NPL: variants seen among roughly 807,000 people sequenced by gnomAD.
NPL encodes the protein N-acetylneuraminate lyase.
A neutral mutation model predicts 41.1 loss-of-function variants in NPL; 32 were observed. The observed-to-expected ratio is 0.78, with a 90% CI of 0.59 to 1.05. NPL has a LOEUF of 1.05. Ranked by LOEUF, NPL falls within the 50% of genes least tolerant of loss-of-function variation. The pLI, the probability that NPL is intolerant of heterozygous loss-of-function variation, is 0.00. For missense variants in NPL, 321 were observed against 378.4 expected (o/e 0.85, Z 1.26); for synonymous variants, 128 against 134.9 (o/e 0.95, Z 0.35).
intron 1 of NPL, among the ~76,000 whole-genome samples, chr1:182,791,714 C>T (rs1248032473): frequency 6.6e-6 from 1 of 152,154 alleles, no homozygotes; most frequent in Non-Finnish European, 1.5e-5. Context: ...CTAAGAACAT[C>T]AGTGTTACCG....
chr1:182,828,929 G>A lies in NPL; in HGVS notation c.*21G>A, dbSNP rs779955836. The stretch of plus-strand genomic sequence containing the variant: ...GCTAGTGCCTCTCTATCAAATCAGG[G>A]TTTGCACCTTGAGACATAATCTACC... On this transcript the variant is annotated 3_prime_UTR_variant, in exon 13 of 13. Transcript: ENST00000367553. This position sits in a 1 kb window ranked among gnomAD's most constrained non-coding sequence, Gnocchi z 4.0. 1.6e-5 allele frequency: 26 copies of A among 1,613,930 alleles called. No homozygotes were observed. The highest frequency in any genetic ancestry group is 1.9e-5 in the Non-Finnish European group (23 of 1,180,010).
intron 3 of NPL, 124 bp from the exon 4 acceptor site, chr1:182,803,574 A>G (rs1666916625): frequency 1.4e-6 from 1 of 727,944 alleles, no homozygotes; most frequent in Non-Finnish European, 2.5e-6. Flanking sequence ...CAGGCTAAGA[A>G]TTTCACAAAT....
chr1:182,826,937 T>A (rs934699500), intron 12 of NPL: 1 of 152,194 alleles, frequency 6.6e-6, no homozygotes, highest in Non-Finnish European at 1.5e-5. Context: ...ATTTATAAAT[T>A]AGGCATAGTA....
chr1:182,829,070 T>C lies in NPL; in HGVS notation c.*162T>C, dbSNP rs1667703897. The C allele has an allele frequency of 2.1e-6, 3 of 1,451,380 alleles. No homozygotes were observed. Among genetic ancestry groups the C allele is most frequent in the Non-Finnish European group, 2.7e-6 (3 of 1,109,710 alleles). The allele number at this position is 1,451,380 out of a possible 1,614,324, so 89.9% of individuals were successfully genotyped here. On this transcript the variant is annotated 3_prime_UTR_variant, in exon 13 of 13. Coordinates refer to ENST00000367553, the MANE Select transcript of NPL (RefSeq NM_030769.3). ...CTTTTGTGAGCCTTAAAAAGTCTTA[T>C]TTTGTGAAGGGGCAAAAACTCTAGG... is the stretch of plus-strand genomic sequence containing the variant.
At chr1:182,793,914 T>C (rs890165899) in intron 2 of NPL, among the ~76,000 whole-genome samples, 1 of 149,232 alleles carries the variant, frequency 6.7e-6, no homozygotes, top group African/African-American at 2.6e-5. Context: ...AGAATTCTCA[T>C]ATGCCAGGCT....
intron 3 of NPL, among the ~76,000 whole-genome samples, chr1:182,800,946 T>G (rs1410001485): frequency 6.6e-6 from 1 of 151,978 alleles, no homozygotes; most frequent in Non-Finnish European, 1.5e-5. Context: ...GCCAGCCTGG[T>G]CTCAAACTCT....
chr1:182,806,172 C>T lies in NPL; in HGVS notation c.170C>T (p.Ser57Phe). 1 of 1,614,192 alleles carries T rather than the reference C, an allele frequency of 6.2e-7. No homozygotes were observed. Among genetic ancestry groups the T allele is most frequent in the African/African-American group, 1.3e-5 (1 of 75,056 alleles). Residue 57 changes from serine to phenylalanine, a missense_variant, in exon 5 of 13, where the codon TCC becomes TTC. Physicochemically the swap from Ser to Phe is radical, Grantham distance 155. Transcript: ENST00000367553. ...AATGGCACAACAGGAGAAGGCCTGT[C>T]CCTGAGCGTCTCAGAGCGTCGCCAG... ...FVNGTTGEGL[S>F]LSVSERRQVA...
chr1:182,822,199 G>T lies in NPL; in HGVS notation c.738G>T (p.Gln246His), dbSNP rs772994587. 6.2e-7 allele frequency: 1 copy of T among 1,601,132 alleles called. No individual in the cohort carries two copies. Among genetic ancestry groups the T allele is most frequent in the Non-Finnish European group, 8.6e-7 (1 of 1,168,174 alleles). Residue 246 changes from glutamine to histidine, a missense_variant and splice_region_variant, in exon 11 of 13, where the codon CAG (glutamine) becomes CAT (histidine). Transcript: ENST00000367553. The stretch of plus-strand genomic sequence containing the variant: ...ACTTCTCTTTAGCCCTGAACTATCA[G>T]GTAAACGTTTTCTTCTCTTCCCATA... ...QKDFSLALNY[Q>H]FCIQRFINFV... is the part of the protein sequence containing the mutation.
chr1:182,814,987 A>C, intron 7 of NPL, 129 bp downstream of exon 7: 1 of 719,898 alleles, frequency 1.4e-6, no homozygotes, highest in Non-Finnish European at 2.4e-6. Flanking sequence ...GCAATGGTAC[A>C]GTGGTTCTCT....
intron 6 of NPL, among the ~76,000 whole-genome samples, chr1:182,812,550 G>C (rs1226611713): frequency 6.6e-6 from 1 of 152,202 alleles, no homozygotes; most frequent in African/African-American, 2.4e-5. Context: ...GCAGGGCACA[G>C]AGGGACAAAG....
intron 11 of NPL, among the ~76,000 whole-genome samples, chr1:182,825,270 G>A (rs1175833439): frequency 6.6e-6 from 1 of 152,094 alleles, no homozygotes; most frequent in East Asian, 1.9e-4. Flanking sequence ...GACTGTGCAA[G>A]GGGAAACAGA....
intron 3 of NPL, among the ~76,000 whole-genome samples, chr1:182,797,268 G>C (rs1198082279): frequency 1.3e-5 from 2 of 151,994 alleles, no homozygotes; most frequent in Non-Finnish European, 2.9e-5. Context: ...TCCTCTTTAG[G>C]AATCTTGACT....
At chr1:182,794,056 T>C (rs1206375253) in intron 2 of NPL, among the ~76,000 whole-genome samples, 1 of 152,204 alleles carries the variant, frequency 6.6e-6, no homozygotes, top group Non-Finnish European at 1.5e-5. Context: ...AGGTTCAAGC[T>C]CTTTCTTGGG....
At chr1:182,800,538 C>A (rs1666813426) in intron 3 of NPL, among the ~76,000 whole-genome samples, 1 of 151,742 alleles carries the variant, frequency 6.6e-6, no homozygotes, top group Non-Finnish European at 1.5e-5. Flanking sequence ...GTGGTAGCAG[C>A]CCTGGATGAT....
At chr1:182,810,931 G>C (rs1456647463) in intron 5 of NPL, among the ~76,000 whole-genome samples, 1 of 152,082 alleles carries the variant, frequency 6.6e-6, no homozygotes, top group Non-Finnish European at 1.5e-5. Context: ...ATAACAGTCA[G>C]GATTCAAGCT....
chr1:182,818,872 C>A lies in NPL; in HGVS notation c.653+13C>A, dbSNP rs779438956. 1.9e-6 allele frequency: 3 copies of A among 1,613,216 alleles called. No homozygotes were observed. The South Asian group carries it at 3.3e-5, about 18-fold the overall frequency. On this transcript the variant is annotated intron_variant, in intron 10 of 12. Coordinates refer to ENST00000367553, the MANE Select transcript of NPL (RefSeq NM_030769.3). ...GAGCAGTGGGCAGGTAAGCATGACT[C>A]ATTTTTCCCAGTGGTTATAAAGTCC...
intron 4 of NPL, among the ~76,000 whole-genome samples, chr1:182,804,753 A>G (rs1320326768): frequency 6.6e-6 from 1 of 152,186 alleles, no homozygotes; most frequent in Non-Finnish European, 1.5e-5. Flanking sequence ...GTACCTGGTA[A>G]TAATAATCAG....
At chr1:182,825,724 T>G in intron 11 of NPL, 57 bp from the exon 12 acceptor site, 1 of 1,174,202 alleles carries the variant, frequency 8.5e-7, no homozygotes, top group Non-Finnish European at 1.3e-6. Context: ...TTCTACATTA[T>G]TTACATTGTT....
intron 5 of NPL, chr1:182,806,483 C>A: frequency 6.5e-7 from 1 of 1,536,286 alleles, no homozygotes; most frequent in Non-Finnish European, 8.7e-7. Context: ...TGCTTCTTAC[C>A]TGTCTACAAG....
Sources: allele counts gnomAD v4.1 joint callset (sites outside exome capture counted in the v4.1 genomes callset), GRCh38; gene constraint gnomAD v4.1.1; non-coding constraint Gnocchi (gnomAD v3.1); transcripts MANE v1.5; gene names NCBI Gene and HGNC (gene_info 2026-07-23, HGNC 2026-07-21).